Variants in FSTL5 observed in about 807,000 individuals in gnomAD.
The protein encoded by FSTL5 is follistatin like 5, also known as follistatin-related protein 5.
In FSTL5, 62 loss-of-function variants were observed where a neutral mutation model predicts 89.1. That is an observed-to-expected ratio of 0.70 (90% CI 0.57 to 0.86). FSTL5 has a LOEUF of 0.86. Ranked by LOEUF, FSTL5 falls within the 40% of genes least tolerant of loss-of-function variation. FSTL5 has a pLI of 0.00. For synonymous variants in FSTL5, 383 were observed against 346.2 expected, an observed-to-expected ratio of 1.11 and a Z score of -1.18; for missense variants, 1,057 against 1,001.6, an observed-to-expected ratio of 1.06 and a Z score of -0.75.
chr4:162,123,464 G>A (rs1192161003), intron 1 of FSTL5, among the ~76,000 whole-genome samples: 1 of 152,070 alleles, frequency 6.6e-6, no homozygotes. Context: ...ATAGGTTAAT[G>A]CTTAGTTGCA....
intron 4 of FSTL5, among the ~76,000 whole-genome samples, chr4:161,776,304 T>C (rs1342778722): frequency 1.3e-5 from 2 of 152,068 alleles, no homozygotes; most frequent in Non-Finnish European, 2.9e-5. Flanking sequence ...TTGTAGTTTG[T>C]TTATGAGGAA....
chr4:161,635,576 A>G (rs930758797), intron 7 of FSTL5, among the ~76,000 whole-genome samples: 1 of 152,066 alleles, frequency 6.6e-6, no homozygotes, highest in Non-Finnish European at 1.5e-5. Context: ...ATATCTGTTG[A>G]CTCTTTGTAA....
At chr4:161,811,938 T>C (rs375029114) in intron 4 of FSTL5, among the ~76,000 whole-genome samples, 94 of 152,278 alleles carry the variant, frequency 6.2e-4, no homozygotes, top group African/African-American at 2.0e-3. Flanking sequence ...AAAATGACTT[T>C]TACTACTACT....
chr4:161,784,894 A>AAAAAAAAAC (rs1166971371), intron 4 of FSTL5, among the ~76,000 whole-genome samples: 1 of 142,440 alleles, frequency 7.0e-6, no homozygotes, highest in Non-Finnish European at 1.5e-5. Flanking sequence ...CTCCGTCTCA[A>AAAAAAAAAC]AAAAAACAAA....
intron 8 of FSTL5, among the ~76,000 whole-genome samples, chr4:161,547,792 A>C (rs1732056214): frequency 6.6e-6 from 1 of 151,920 alleles, no homozygotes; most frequent in African/African-American, 2.4e-5. Context: ...TAGATGGCAT[A>C]GAGTAAATTA....
intron 6 of FSTL5, among the ~76,000 whole-genome samples, chr4:161,737,338 T>C (rs1157249480): frequency 1.3e-5 from 2 of 151,988 alleles, no homozygotes; most frequent in Non-Finnish European, 2.9e-5. Context: ...CTGAGGAATA[T>C]ACATGCAATT....
intron 8 of FSTL5, among the ~76,000 whole-genome samples, chr4:161,549,544 A>C (rs1732129344): frequency 6.6e-6 from 1 of 151,880 alleles, no homozygotes; most frequent in Non-Finnish European, 1.5e-5. Flanking sequence ...CCTTTCTGAC[A>C]TTTACAATTT....
At chr4:161,421,475 G>A (rs952474349) in intron 15 of FSTL5, among the ~76,000 whole-genome samples, 7 of 152,150 alleles carry the variant, frequency 4.6e-5, no homozygotes, top group African/African-American at 1.7e-4. Flanking sequence ...CAGGTGAGCT[G>A]GAACTTTGTT....
intron 4 of FSTL5, among the ~76,000 whole-genome samples, chr4:161,820,633 CATGAGAGCCTTCCAGAGGTG>C (rs1730460905): frequency 6.6e-6 from 1 of 152,080 alleles, no homozygotes; most frequent in Non-Finnish European, 1.5e-5. Flanking sequence ...AGGCCTGGAC[CATGAGAGCCTTCCAGAGGTG>C]ATTCTCAATG....
intron 3 of FSTL5, among the ~76,000 whole-genome samples, chr4:161,968,228 A>G (rs1461767351): frequency 2.0e-5 from 3 of 152,120 alleles, no homozygotes; most frequent in African/African-American, 2.4e-5. Flanking sequence ...GATATAATAC[A>G]TGCAAAATTC....
intron 3 of FSTL5, among the ~76,000 whole-genome samples, chr4:161,941,487 G>A (rs1734584079): frequency 6.6e-6 from 1 of 151,802 alleles, no homozygotes; most frequent in East Asian, 1.9e-4. Context: ...CAAAAGAGAG[G>A]TGAGATGGTT....
At chr4:161,904,388 A>C (rs1733461955) in intron 4 of FSTL5, among the ~76,000 whole-genome samples, 1 of 152,102 alleles carries the variant, frequency 6.6e-6, no homozygotes, top group South Asian at 2.1e-4. Context: ...TGTAATTAGA[A>C]ATGGAATGTT....
chr4:161,423,869 T>G (rs1202509235), intron 15 of FSTL5, among the ~76,000 whole-genome samples: 1 of 151,114 alleles, frequency 6.6e-6, no homozygotes, highest in Non-Finnish European at 1.5e-5. Context: ...TTATTTTATT[T>G]TATTTTTTGA....
intron 4 of FSTL5, among the ~76,000 whole-genome samples, chr4:161,862,833 T>TG (rs1214683963): frequency 6.6e-6 from 1 of 152,204 alleles, no homozygotes; most frequent in Non-Finnish European, 1.5e-5. Flanking sequence ...AATTTACAAA[T>TG]GTACTTTTGT....
intron 15 of FSTL5, among the ~76,000 whole-genome samples, chr4:161,444,783 T>G (rs571513623): frequency 6.6e-6 from 1 of 151,900 alleles, no homozygotes. Flanking sequence ...AGTCGTTAGG[T>G]TTTACCCCAA....
intron 6 of FSTL5, among the ~76,000 whole-genome samples, chr4:161,660,084 T>C (rs1253201605): frequency 6.6e-6 from 1 of 152,192 alleles, no homozygotes; most frequent in African/African-American, 2.4e-5. Flanking sequence ...CTGTAAACTT[T>C]GCCTCCTCTT....
chr4:161,550,414 T>A (rs980752057), intron 8 of FSTL5, among the ~76,000 whole-genome samples: 2 of 151,942 alleles, frequency 1.3e-5, no homozygotes, highest in African/African-American at 4.8e-5. Flanking sequence ...TGTGCCTGCT[T>A]TCCTGGTGAC....
intron 8 of FSTL5, among the ~76,000 whole-genome samples, chr4:161,556,844 GTGTA>G (rs1553997278): frequency 2.1e-5 from 3 of 144,776 alleles, no homozygotes; most frequent in African/African-American, 5.0e-5. Context: ...GTGTGTGTGT[GTGTA>G]TATATATATA....
chr4:161,636,121 T>G (rs899602385), intron 7 of FSTL5, among the ~76,000 whole-genome samples: 46 of 151,368 alleles, frequency 3.0e-4, no homozygotes, highest in Admixed American at 7.3e-4. Flanking sequence ...GAAGGAAAGG[T>G]AAAATTGAAT....
Sources: gnomAD v4.1 joint callset for allele counts (sites outside exome capture counted in the v4.1 genomes callset) on GRCh38, gnomAD v4.1.1 for gene constraint, MANE v1.5 for transcripts, NCBI Gene and HGNC (gene_info 2026-07-23, HGNC 2026-07-21) for gene names.